TMEM150C: variants seen among roughly 807,000 people sequenced by gnomAD.
The protein encoded by TMEM150C is tentonin 3.
TMEM150C carries 10 observed loss-of-function variants against 29.9 expected under a neutral mutation model. The observed-to-expected ratio is 0.33, with a 90% confidence interval of 0.21 to 0.57. The LOEUF is 0.57. Among genes scored for constraint, TMEM150C ranks in the 20% least tolerant of loss-of-function variants. The pLI is 0.88. For missense variants in TMEM150C, 251 were observed against 303.6 expected (o/e 0.83, Z 1.29); for synonymous variants, 101 against 112.5 (o/e 0.90, Z 0.64).
At chr4:82,503,400 G>C (rs374928796) in intron 2 of TMEM150C, among the ~76,000 whole-genome samples, 3 of 151,926 alleles carry the variant, frequency 2.0e-5, no homozygotes, top group Admixed American at 1.3e-4. Flanking sequence ...CTAAAATTAG[G>C]GTTCAGTTTC....
At chr4:82,562,172 G>A (rs1263529624), upstream of TMEM150C, 8 of 1,282,154 alleles carry the variant, frequency 6.2e-6, no homozygotes, top group African/African-American at 9.2e-5. Context: ...CCCGGGGCAG[G>A]AGCCGGGTGT....
chr4:82,491,752 T>C, intron 6 of TMEM150C: 1 of 339,454 alleles, frequency 2.9e-6, no homozygotes, highest in Non-Finnish European at 5.3e-6. Context: ...TCCTCCCGCC[T>C]CGGCCTCCCA....
chr4:82,494,464 A>T (rs1723471925), intron 6 of TMEM150C, among the ~76,000 whole-genome samples: 1 of 152,222 alleles, frequency 6.6e-6, no homozygotes, highest in African/African-American at 2.4e-5. Flanking sequence ...ACTTCCACAT[A>T]AACTTGCTAA....
At chr4:82,553,409 T>C (rs1395778223) in intron 1 of TMEM150C, among the ~76,000 whole-genome samples, 2 of 152,116 alleles carry the variant, frequency 1.3e-5, no homozygotes, top group Non-Finnish European at 2.9e-5. Context: ...GGACAAACAA[T>C]ATGTTGAGAA....
chr4:82,507,579 C>T (rs1436025488), intron 1 of TMEM150C, among the ~76,000 whole-genome samples: 1 of 152,038 alleles, frequency 6.6e-6, no homozygotes, highest in Non-Finnish European at 1.5e-5. Context: ...GAAAGGATTC[C>T]AGGAGGTTCC....
At chr4:82,554,952 G>A (rs961884554) in intron 1 of TMEM150C, among the ~76,000 whole-genome samples, 7 of 152,094 alleles carry the variant, frequency 4.6e-5, no homozygotes, top group African/African-American at 1.2e-4. Flanking sequence ...AATTTTTCAC[G>A]TTAGACACAG....
At chr4:82,490,687 G>C (rs1262994021) in intron 6 of TMEM150C, 3 of 318,770 alleles carry the variant, frequency 9.4e-6, no homozygotes, top group African/African-American at 6.5e-5. Context: ...GGCTCAAAGC[G>C]ATCCTCCCAC....
rs146862487 is a variant in TMEM150C, at chr4:82,518,315, C to CAA, written c.-10-13650_-10-13649dup. ...TGGATGACAGAGCGAGACCCCATCT[C>CAA]AAAAAAAAAAAAAGAAAGAAAGTAG... On this transcript the variant is annotated intron_variant, in intron 1 of 7. Coordinates refer to ENST00000449862, the MANE Select transcript of TMEM150C (RefSeq NM_001080506.3). Among the ~76,000 whole-genome samples, 7 of 137,738 alleles carry CAA rather than the reference C, an allele frequency of 5.1e-5. No homozygotes were observed. The South Asian group carries it at 1.6e-3, about 32-fold the overall frequency. 90.4% of individuals were successfully genotyped at this position (137,738 alleles called of 152,430 possible). A position where few individuals can be genotyped will look rare whatever the true frequency, so the allele number is the denominator to read the frequency against.
At chr4:82,542,286 T>C (rs1725224585) in intron 1 of TMEM150C, among the ~76,000 whole-genome samples, 1 of 152,176 alleles carries the variant, frequency 6.6e-6, no homozygotes, top group Admixed American at 6.6e-5. Flanking sequence ...GGCATTTCAA[T>C]GTGGGAACCA....
At chr4:82,547,682 T>C (rs1273400323) in intron 1 of TMEM150C, among the ~76,000 whole-genome samples, 1 of 152,074 alleles carries the variant, frequency 6.6e-6, no homozygotes, top group East Asian at 1.9e-4. Context: ...AGAATGGCTA[T>C]TATTAAAATG....
At chr4:82,531,695 T>C (rs908722987) in intron 1 of TMEM150C, among the ~76,000 whole-genome samples, 25 of 138,338 alleles carry the variant, frequency 1.8e-4, no homozygotes, top group Admixed American at 7.0e-4. Flanking sequence ...GTGGAGGTTG[T>C]AGTGAGCCGA....
intron 7 of TMEM150C, among the ~76,000 whole-genome samples, chr4:82,487,670 G>A (rs1723206368): frequency 1.3e-5 from 2 of 152,166 alleles, no homozygotes; most frequent in Non-Finnish European, 2.9e-5. Flanking sequence ...GTCCTTAAAT[G>A]TTCTCTATCT....
At chr4:82,490,903 C>T (rs1349548354) in intron 6 of TMEM150C, 2 of 712,992 alleles carry the variant, frequency 2.8e-6, no homozygotes, top group Non-Finnish European at 5.2e-6. Flanking sequence ...GGACCCAGGA[C>T]ATTGCCTCCC....
intron 1 of TMEM150C, among the ~76,000 whole-genome samples, chr4:82,509,400 C>A (rs994648365): frequency 6.6e-6 from 1 of 152,096 alleles, no homozygotes; most frequent in South Asian, 2.1e-4. Context: ...TGAAAATGTA[C>A]GATTTTGTGG....
intron 5 of TMEM150C, 75 bp downstream of exon 5, chr4:82,502,652 A>C (rs890487273): frequency 1.7e-5 from 24 of 1,422,408 alleles, no homozygotes; most frequent in Non-Finnish European, 2.2e-5. Context: ...CATTGTTTTG[A>C]CAAGGGTTTG....
At position 82,543,107 on chromosome 4, in the gene TMEM150C, C is replaced by T. The variant is rs1228552725; in HGVS notation, c.-11+18799G>A. 3.3e-5 allele frequency among the ~76,000 whole-genome samples: 5 copies of T among 152,178 alleles called. No homozygotes were observed. In the South Asian group the frequency reaches 8.3e-4, roughly 25 times the overall value. ...AAAAGTAATAACCTGTCCAACATCACGTTGCTGGGAATACTGGAACCAGGA... is the reference window on the plus strand; with the variant it reads ...AAAAGTAATAACCTGTCCAACATCATGTTGCTGGGAATACTGGAACCAGGA... On this transcript the variant is annotated intron_variant, in intron 1 of 7. Coordinates refer to ENST00000449862, the MANE Select transcript of TMEM150C (RefSeq NM_001080506.3).
intron 2 of TMEM150C, 143 bp from the exon 3 acceptor site, chr4:82,503,255 T>C: frequency 3.1e-6 from 2 of 644,538 alleles, no homozygotes; most frequent in Non-Finnish European, 5.3e-6. Flanking sequence ...TACCCATAGA[T>C]CATCTAGTTC....
chr4:82,504,739 A>G (rs769293104), intron 1 of TMEM150C, 72 bp from the exon 2 acceptor site: 9 of 1,346,940 alleles, frequency 6.7e-6, no homozygotes, highest in Non-Finnish European at 8.3e-6. Flanking sequence ...TAGAAAGTTT[A>G]GTCTAACTGG....
intron 1 of TMEM150C, among the ~76,000 whole-genome samples, chr4:82,505,635 C>G (rs1723894316): frequency 1.3e-5 from 2 of 152,122 alleles, no homozygotes; most frequent in African/African-American, 4.8e-5. Flanking sequence ...TTTCTCATGA[C>G]ATGTTATTGA....
Sources: gnomAD v4.1 joint callset for allele counts (sites outside exome capture counted in the v4.1 genomes callset) on GRCh38, gnomAD v4.1.1 for gene constraint, MANE v1.5 for transcripts, NCBI Gene and HGNC (gene_info 2026-07-23, HGNC 2026-07-21) for gene names.